BOP1: variants seen among roughly 807,000 people sequenced by gnomAD.
BOP1 encodes BOP1 ribosomal biogenesis factor.
BOP1 carries 54 observed loss-of-function variants against 82.9 expected under a neutral mutation model. That is an observed-to-expected ratio of 0.65 (90% CI 0.52 to 0.82). The LOEUF (loss-of-function observed/expected upper bound fraction) is 0.82. Ranked by LOEUF, BOP1 falls within the 40% of genes least tolerant of loss-of-function variation. The pLI is 0.00. For synonymous variants in BOP1, 566 were observed against 451.1 expected, an observed-to-expected ratio of 1.25 and a Z score of -3.23; for missense variants, 1,170 against 1,072.0, an observed-to-expected ratio of 1.09 and a Z score of -1.28.
At chr8:144,268,722 G>A (rs983032816) in intron 3 of BOP1, among the ~76,000 whole-genome samples, 16 of 149,132 alleles carry the variant, frequency 1.1e-4, no homozygotes, top group African/African-American at 1.6e-4. Context: ...GAGCCACGCC[G>A]GGAGAGAGGG....
In BOP1 at chr8:144,263,262, C is replaced by T. The variant is rs1455931638; in HGVS notation, c.1564G>A (p.Glu522Lys). The T allele has an allele frequency of 1.9e-6, 3 of 1,594,930 alleles. No homozygotes were observed. In the African/African-American group the frequency reaches 4.0e-5, roughly 21 times the overall value. Residue 522 changes from glutamate (E) to lysine (K), a missense_variant, in exon 12 of 16, where the codon GAG becomes AAG. Coordinates refer to ENST00000569669, the MANE Select transcript of BOP1 (RefSeq NM_015201.5). Reference sequence around the variant, plus strand: ...CGCAGCCGCAGGCCCACTTGGCGCTCCTCCTCTGAGGCCTCCAGCCAGCGG... The same window carrying T: ...CGCAGCCGCAGGCCCACTTGGCGCTTCTCCTCTGAGGCCTCCAGCCAGCGG... ...PARWLEASEE[E>K]RQVGLRLRIC...
intron 2 of BOP1, chr8:144,281,997 A>G (rs902927056): frequency 5.9e-5 from 9 of 152,202 alleles, no homozygotes; most frequent in Admixed American, 1.3e-4. Context: ...CAAAGCTGGG[A>G]AAAAAATGAA....
Position 144,264,037 on chromosome 8 carries a change from C to T in BOP1, c.1084G>A (p.Glu362Lys). Residue 362 changes from glutamate (E) to lysine (K), a missense_variant, in exon 8 of 16, where the codon GAA (glutamate) becomes AAA (lysine). Coordinates refer to ENST00000569669, the MANE Select transcript of BOP1 (RefSeq NM_015201.5). ...AVPAYGRFIQ[E>K]RFERCLDLYL... Reference sequence around the variant, plus strand: ...AGGTCAAGGCAGCGCTCGAAGCGTTCCTGGATGAAGCGTCCGTAGGCAGGC... The same window carrying T: ...AGGTCAAGGCAGCGCTCGAAGCGTTTCTGGATGAAGCGTCCGTAGGCAGGC... 1 of 1,609,750 alleles carries T rather than the reference C, an allele frequency of 6.2e-7. No individual in the cohort carries two copies. Among genetic ancestry groups the T allele is most frequent in the Middle Eastern group, 1.7e-4 (1 of 6,028 alleles).
intron 3 of BOP1, among the ~76,000 whole-genome samples, chr8:144,271,223 T>C (rs1212269015): frequency 1.3e-5 from 2 of 152,000 alleles, no homozygotes; most frequent in African/African-American, 4.8e-5. Context: ...TTTTCCGCTC[T>C]CGATGAGCCC....
chr8:144,283,141 T>C (rs2130258352), intron 2 of BOP1, among the ~76,000 whole-genome samples: 1 of 134,504 alleles, frequency 7.4e-6, no homozygotes, highest in East Asian at 2.1e-4. Context: ...GAAGTTGCAG[T>C]GAGCCGAGAT....
chr8:144,274,945 C>A (rs1178742661), intron 3 of BOP1, among the ~76,000 whole-genome samples: 1 of 152,190 alleles, frequency 6.6e-6, no homozygotes, highest in Non-Finnish European at 1.5e-5. Flanking sequence ...AGGGAGTGCG[C>A]GGCGTGGCCC....
intron 1 of BOP1, among the ~76,000 whole-genome samples, chr8:144,289,719 C>T (rs1814980030): frequency 1.3e-5 from 2 of 152,170 alleles, no homozygotes; most frequent in South Asian, 4.1e-4. Flanking sequence ...CCTCTCCACA[C>T]CTCACCCTGG....
chr8:144,263,420 C>A lies in BOP1; in HGVS notation c.1425-19G>T, dbSNP rs1041545491. 27 of 1,597,688 alleles carry A rather than the reference C, an allele frequency of 1.7e-5. No individual in the cohort carries two copies. Among genetic ancestry groups the A allele is most frequent in the Non-Finnish European group, 2.3e-5 (27 of 1,179,652 alleles). On this transcript the variant is annotated intron_variant, in intron 11 of 15. Transcript: ENST00000569669. ...GTCCTCCCTGTGAGCCAGGCCCAGA[C>A]ACGGCCCCTAAGCACAGTGCCACCC...
chr8:144,274,200 G>A (rs1201399745), intron 3 of BOP1, among the ~76,000 whole-genome samples: 3 of 152,192 alleles, frequency 2.0e-5, no homozygotes, highest in Non-Finnish European at 2.9e-5. Context: ...ACGCCCCAGC[G>A]GCGCCCTCCC....
intron 2 of BOP1, among the ~76,000 whole-genome samples, chr8:144,287,290 G>C (rs554386598): frequency 6.6e-6 from 1 of 151,876 alleles, no homozygotes; most frequent in Non-Finnish European, 1.5e-5. Context: ...GATTACAGGC[G>C]TGAGCCACCA....
rs926689543 is a variant in BOP1, at chr8:144,262,638, C to T, written c.1929G>A (p.Lys643=). The change falls in exon 14 of 16, where the codon AAG becomes AAA. Residue 643 remains lysine, a synonymous_variant. Coordinates refer to ENST00000569669, the MANE Select transcript of BOP1 (RefSeq NM_015201.5). ...AAAGATCCAGGTCAAACCACACCAG[C>T]TTGCTATCGTAGCTCCCACAGATGA... ...DNVICGSYDS[K]LVWFDLDLST... 2.6e-5 allele frequency: 42 copies of T among 1,613,462 alleles called. No homozygotes were observed. The African/African-American group carries it at 4.8e-4, about 18-fold the overall frequency.
chr8:144,274,179 C>T (rs971859932), intron 3 of BOP1, among the ~76,000 whole-genome samples: 2,459 of 151,650 alleles, frequency 0.016, 59 homozygotes, highest in African/African-American at 0.056. Flanking sequence ...GATCGCCGCT[C>T]GCAGGAGCAC....
chr8:144,267,577 C>G (rs1423809372), intron 3 of BOP1, among the ~76,000 whole-genome samples: 3 of 152,256 alleles, frequency 2.0e-5, no homozygotes, highest in Non-Finnish European at 4.4e-5. Context: ...GGAAGGACCC[C>G]GGGTTCTTAG....
In BOP1 at chr8:144,262,482, C is replaced by A; in HGVS notation, c.2001G>T (p.Arg667=). ...RMLRHHKKAL[R]AVAFHPRYPL... is the part of the protein sequence containing the mutation. ...GGTACCGCGGGTGGAAGGCCACAGC[C>A]CGCAGAGCCTTCTTGTGGTGTCTGG... Residue 667 remains arginine, a synonymous_variant, in exon 15 of 16, where the codon CGG becomes CGT. Transcript: ENST00000569669. 6.2e-7 allele frequency: 1 copy of A among 1,612,890 alleles called. No homozygotes were observed. The highest frequency in any genetic ancestry group is 2.2e-5 in the East Asian group (1 of 44,864).
At chr8:144,266,637 G>A (rs1389349995) in intron 3 of BOP1, 4 of 1,235,788 alleles carry the variant, frequency 3.2e-6, no homozygotes, top group Non-Finnish European at 3.1e-6. Flanking sequence ...CGCTGCGCCC[G>A]GCGCCGCCGG....
chr8:144,283,443 C>T (rs562321500), intron 2 of BOP1, among the ~76,000 whole-genome samples: 1 of 152,294 alleles, frequency 6.6e-6, no homozygotes, highest in East Asian at 1.9e-4. Flanking sequence ...GCTTCCGGGA[C>T]TGGGACCACG....
intron 2 of BOP1, among the ~76,000 whole-genome samples, chr8:144,288,138 T>G (rs532883763): frequency 9.9e-5 from 15 of 151,574 alleles, no homozygotes; most frequent in African/African-American, 3.6e-4. Context: ...AGCCTGGTAG[T>G]GGGCACCTGT....
At chr8:144,270,175 C>T (rs1395692431) in intron 3 of BOP1, among the ~76,000 whole-genome samples, 3 of 152,122 alleles carry the variant, frequency 2.0e-5, no homozygotes, top group African/African-American at 7.2e-5. Context: ...TGCGGGGCGT[C>T]GGCGGCCGGC....
At chr8:144,267,216 C>A in intron 3 of BOP1, 1 of 1,485,556 alleles carries the variant, frequency 6.7e-7, no homozygotes, top group Non-Finnish European at 8.8e-7. Context: ...GGGGGGCCTC[C>A]AACGCGCCCC....
Sources: allele counts gnomAD v4.1 joint callset (sites outside exome capture counted in the v4.1 genomes callset), GRCh38; gene constraint gnomAD v4.1.1; transcripts MANE v1.5; gene names NCBI Gene and HGNC (gene_info 2026-07-23, HGNC 2026-07-21).